Variants in GRIK4 observed in about 807,000 individuals in gnomAD.
GRIK4 encodes the protein glutamate receptor ionotropic, kainate 4.
Under a neutral mutation model 104.9 loss-of-function variants are expected in GRIK4, and 40 were observed. The observed-to-expected ratio is 0.38, with a 90% CI of 0.30 to 0.50. The LOEUF is 0.50. Ranked by LOEUF, GRIK4 falls within the 20% of genes least tolerant of loss-of-function variation. GRIK4 has a pLI of 0.93. For synonymous variants in GRIK4, 485 were observed against 524.9 expected, an observed-to-expected ratio of 0.92 and a Z score of 1.04; for missense variants, 1,047 against 1,308.1, an observed-to-expected ratio of 0.80 and a Z score of 3.08.
intron 3 of GRIK4, among the ~76,000 whole-genome samples, chr11:120,793,852 A>G (rs182335989): frequency 2.9e-4 from 39 of 136,184 alleles, no homozygotes; most frequent in African/African-American, 1.1e-3. Context: ...GGGGAAGGGC[A>G]GTGTTAGGGC....
chr11:120,620,533 CT>C (rs1812702343), intron 1 of GRIK4, among the ~76,000 whole-genome samples: 1 of 152,062 alleles, frequency 6.6e-6, no homozygotes, highest in Non-Finnish European at 1.5e-5. Flanking sequence ...TGGGGTCTCC[CT>C]ATGTTGTTCA....
At chr11:120,787,951 C>T (rs1311718959) in intron 3 of GRIK4, among the ~76,000 whole-genome samples, 3 of 141,864 alleles carry the variant, frequency 2.1e-5, no homozygotes, top group Non-Finnish European at 3.0e-5. Flanking sequence ...CAGCAACCTC[C>T]GCCTCCCAGG....
intron 3 of GRIK4, among the ~76,000 whole-genome samples, chr11:120,796,185 G>T (rs1252265941): frequency 6.6e-6 from 1 of 151,864 alleles, no homozygotes; most frequent in Non-Finnish European, 1.5e-5. Flanking sequence ...ACATGTGCCC[G>T]CCACAACGCC....
chr11:120,853,366 T>C (rs1352604259), intron 8 of GRIK4, among the ~76,000 whole-genome samples: 2 of 152,034 alleles, frequency 1.3e-5, no homozygotes, highest in African/African-American at 2.4e-5. Context: ...AGCAATAACA[T>C]GGAGAAGGAA....
rs1013928697 is a variant in GRIK4 at position 120,524,503 on chromosome 11, C to G, written c.-159+12616C>G. Among the ~76,000 whole-genome samples, 2 of 152,194 alleles carry G rather than the reference C, an allele frequency of 1.3e-5. No individual in the cohort carries two copies. The highest frequency in any genetic ancestry group is 2.4e-5 in the African/African-American group (1 of 41,438). ...TAGTGTAGCCGGCGATGGAGCTGAA[C>G]CAGTACAAAGAGTAACACCAGGCCT... is the stretch of plus-strand genomic sequence containing the variant. On this transcript the variant is annotated intron_variant, in intron 1 of 20. Transcript: ENST00000527524. This position sits in a 1 kb window ranked among gnomAD's most constrained non-coding sequence, Gnocchi z 4.5.
At chr11:120,848,845 G>A (rs934850923) in intron 8 of GRIK4, among the ~76,000 whole-genome samples, 1 of 152,132 alleles carries the variant, frequency 6.6e-6, no homozygotes, top group Non-Finnish European at 1.5e-5. Flanking sequence ...GTTATCCAAG[G>A]TGAGGCAGGA....
intron 1 of GRIK4, among the ~76,000 whole-genome samples, chr11:120,585,021 C>CT (rs1246031030): frequency 6.6e-6 from 1 of 152,042 alleles, no homozygotes; most frequent in Non-Finnish European, 1.5e-5. Flanking sequence ...CTGAAATTGT[C>CT]TTTTTTTGTT....
intron 1 of GRIK4, among the ~76,000 whole-genome samples, chr11:120,561,850 G>C (rs1234418963): frequency 1.3e-5 from 2 of 152,210 alleles, no homozygotes; most frequent in Non-Finnish European, 2.9e-5. Context: ...GGATCTGACT[G>C]CTGCACGCTA....
chr11:120,755,811 G>A (rs541363446), intron 3 of GRIK4, among the ~76,000 whole-genome samples: 2 of 152,118 alleles, frequency 1.3e-5, no homozygotes, highest in African/African-American at 2.4e-5. Flanking sequence ...GAGAGTTGGG[G>A]TGGATGCCTT....
intron 17 of GRIK4, among the ~76,000 whole-genome samples, chr11:120,961,612 C>CT (rs150724820): frequency 0.025 from 3,869 of 152,282 alleles, 177 homozygotes; most frequent in African/African-American, 0.088. Flanking sequence ...CTGTTGGCTT[C>CT]TTTGAGTTTC....
intron 3 of GRIK4, among the ~76,000 whole-genome samples, chr11:120,736,385 G>A (rs753918387): frequency 2.6e-5 from 4 of 152,094 alleles, no homozygotes; most frequent in Non-Finnish European, 4.4e-5. Flanking sequence ...GCTGCCAGCT[G>A]TGCTGAGTGG....
chr11:120,663,369 C>G (rs778981818), intron 3 of GRIK4, among the ~76,000 whole-genome samples: 2 of 152,186 alleles, frequency 1.3e-5, no homozygotes, highest in African/African-American at 2.4e-5. Context: ...AGGGGCCTGG[C>G]TGGTGGCAGC....
At chr11:120,533,020 C>T (rs941847198) in intron 1 of GRIK4, among the ~76,000 whole-genome samples, 12 of 152,050 alleles carry the variant, frequency 7.9e-5, no homozygotes, top group African/African-American at 1.2e-4. Flanking sequence ...TGATGCAATG[C>T]GGTGTGATGT....
At chr11:120,898,666 CTGCAGCATCCTG>C (rs772756673) in intron 12 of GRIK4, 27 bp downstream of exon 12, 20 of 1,293,964 alleles carry the variant, frequency 1.5e-5, no homozygotes, top group Non-Finnish European at 2.0e-5. Flanking sequence ...AGGCTCCCAG[CTGCAGCATCCTG>C]GGGTGCCTCC....
At chr11:120,626,344 T>C (rs901477891) in intron 1 of GRIK4, among the ~76,000 whole-genome samples, 1 of 152,164 alleles carries the variant, frequency 6.6e-6, no homozygotes. Context: ...TTTAAATGAT[T>C]TAGATGCGAC....
chr11:120,640,466 G>C (rs904626973), intron 1 of GRIK4, among the ~76,000 whole-genome samples: 13 of 152,054 alleles, frequency 8.5e-5, no homozygotes, highest in Non-Finnish European at 1.5e-4. Flanking sequence ...ACCAGTAGGT[G>C]CTTAATATTT....
chr11:120,861,986 C>T lies in GRIK4; in HGVS notation c.772C>T (p.Leu258Phe). 1 of 1,613,680 alleles carries T rather than the reference C, an allele frequency of 6.2e-7. No individual in the cohort carries two copies. The highest frequency in any genetic ancestry group is 8.5e-7 in the Non-Finnish European group (1 of 1,179,580). ...LEFSLQRMDS[L>F]VDDRVNILGF... is the part of the protein sequence containing the mutation. The stretch of plus-strand genomic sequence containing the variant: ...GTTCTCACTCCAGAGAATGGACAGC[C>T]TTGTGGATGATCGTGTCAACATCCT... The change falls in exon 9 of 21, where the codon CTT (leucine) becomes TTT (phenylalanine). Residue 258 changes from leucine to phenylalanine, a missense_variant. Physicochemically the swap from Leu to Phe is conservative, Grantham distance 22. Coordinates refer to ENST00000527524, the MANE Select transcript of GRIK4 (RefSeq NM_014619.5).
chr11:120,816,699 A>C (rs192775897), intron 5 of GRIK4, among the ~76,000 whole-genome samples: 1 of 152,124 alleles, frequency 6.6e-6, no homozygotes, highest in African/African-American at 2.4e-5. Flanking sequence ...GCAGAAGAAT[A>C]TTTATCTTCC....
chr11:120,709,659 A>C (rs1161356137), intron 3 of GRIK4, among the ~76,000 whole-genome samples: 2 of 152,182 alleles, frequency 1.3e-5, no homozygotes, highest in Admixed American at 1.3e-4. Context: ...GTCCCTGCAA[A>C]TAGACTATTC....
Sources: gnomAD v4.1 joint callset for allele counts (sites outside exome capture counted in the v4.1 genomes callset) on GRCh38, gnomAD v4.1.1 for gene constraint, Gnocchi (gnomAD v3.1) non-coding constraint, MANE v1.5 for transcripts, NCBI Gene and HGNC (gene_info 2026-07-23, HGNC 2026-07-21) for gene names.